HUNK: variants seen among roughly 807,000 people sequenced by gnomAD.
The protein encoded by HUNK is hormonally up-regulated neu tumor-associated kinase.
A neutral mutation model predicts 61.0 loss-of-function variants in HUNK; 21 were observed. That is an observed-to-expected ratio of 0.34 (90% confidence interval 0.24 to 0.50). The LOEUF (loss-of-function observed/expected upper bound fraction) is 0.50, where lower values mean the gene tolerates loss of function less well. Among genes scored for constraint, HUNK ranks in the 20% least tolerant of loss-of-function variants. The pLI, the probability that HUNK is intolerant of heterozygous loss-of-function variation, is 0.98. For synonymous variants in HUNK, 371 were observed against 386.1 expected (o/e 0.96, Z 0.46); for missense variants, 772 against 945.7 (o/e 0.82, Z 2.41).
intron 1 of HUNK, among the ~76,000 whole-genome samples, chr21:31,886,543 A>G (rs2052347418): frequency 6.6e-6 from 1 of 152,076 alleles, no homozygotes; most frequent in Non-Finnish European, 1.5e-5. Context: ...GATCCCATGG[A>G]ATATATTTAG....
chr21:31,955,821 G>C (rs2052885848), intron 4 of HUNK, among the ~76,000 whole-genome samples: 1 of 152,208 alleles, frequency 6.6e-6, no homozygotes. Flanking sequence ...ACTTACTGCG[G>C]AAAAAAATGA....
At chr21:31,986,940 T>G (rs576330038) in intron 8 of HUNK, among the ~76,000 whole-genome samples, 1 of 152,320 alleles carries the variant, frequency 6.6e-6, no homozygotes, top group East Asian at 1.9e-4. Context: ...TGGGGTTGTT[T>G]GATTAACATC....
At chr21:31,963,670 T>TG (rs2052943884) in intron 5 of HUNK, among the ~76,000 whole-genome samples, 1 of 151,198 alleles carries the variant, frequency 6.6e-6, no homozygotes, top group Admixed American at 6.6e-5. Context: ...CTAATTTTTT[T>TG]TGGTGGGGGG....
intron 10 of HUNK, among the ~76,000 whole-genome samples, chr21:31,996,561 C>CA (rs1344891369): frequency 1.3e-5 from 2 of 152,100 alleles, no homozygotes; most frequent in African/African-American, 4.8e-5. Context: ...CTAAAAGATG[C>CA]AAAAGGCAGA....
intron 4 of HUNK, among the ~76,000 whole-genome samples, chr21:31,948,975 T>C (rs2052829584): frequency 6.6e-6 from 1 of 152,232 alleles, no homozygotes; most frequent in African/African-American, 2.4e-5. Context: ...AGGAATCAGC[T>C]GCTGCTCCTG....
intron 1 of HUNK, among the ~76,000 whole-genome samples, chr21:31,905,790 G>A (rs749685789): frequency 4.6e-5 from 7 of 152,264 alleles, no homozygotes; most frequent in Non-Finnish European, 8.8e-5. Flanking sequence ...CATGAACACA[G>A]GCATGGGGGC....
chr21:31,946,006 G>T, intron 3 of HUNK, 30 bp from the exon 4 acceptor site: 2 of 1,545,484 alleles, frequency 1.3e-6, no homozygotes, highest in African/African-American at 1.4e-5. Context: ...TTTCTAATTC[G>T]GAGCTTGTTT....
At chr21:31,922,053 G>A (rs528446137) in intron 1 of HUNK, among the ~76,000 whole-genome samples, 1 of 152,036 alleles carries the variant, frequency 6.6e-6, no homozygotes, top group Non-Finnish European at 1.5e-5. Flanking sequence ...TTTTGTTCTT[G>A]TTGCCCAGGC....
Position 31,991,624 on chromosome 21 carries a change from TCTGGGCC to T in HUNK, c.1305+1456_1305+1462del, listed in dbSNP as rs2053172725. The stretch of plus-strand genomic sequence containing the variant: ...AACCAAAACCAACCAGCCAACGACA[TCTGGGCC>T]CTGGGCCATCCCAGGTGGCAGCAGT... On this transcript the variant is annotated intron_variant, in intron 9 of 10. Coordinates refer to ENST00000270112, the MANE Select transcript of HUNK (RefSeq NM_014586.2). Among the ~76,000 whole-genome samples, 5 of 152,214 alleles carry T rather than the reference TCTGGGCC, an allele frequency of 3.3e-5. No individual in the cohort carries two copies. The South Asian group carries it at 1.0e-3, about 31-fold the overall frequency.
At position 32,003,857 on chromosome 21, in the gene HUNK, G is replaced by A. The variant is rs2053261379; in HGVS notation, c.*4673G>A. 1 of 152,234 alleles carries A rather than the reference G, an allele frequency of 6.6e-6. No individual in the cohort carries two copies. Among genetic ancestry groups the A allele is most frequent in the Non-Finnish European group, 1.5e-5 (1 of 68,076 alleles). 9.4% of individuals were successfully genotyped at this position (152,234 alleles called of 1,614,324 possible). A position where few individuals can be genotyped will look rare whatever the true frequency, so the allele number is the denominator to read the frequency against. ...GGAAGAGAAGGTGAGGAGCATTTCA[G>A]GATTTGCAGTCCCCCTCCACATGTA... On this transcript the variant is annotated 3_prime_UTR_variant, in exon 11 of 11. Transcript: ENST00000270112.
At chr21:31,893,411 C>A (rs148409026) in intron 1 of HUNK, among the ~76,000 whole-genome samples, 2 of 152,272 alleles carry the variant, frequency 1.3e-5, no homozygotes, top group African/African-American at 4.8e-5. Flanking sequence ...GGAGCTGCTT[C>A]TTTGTTTGCA....
intron 9 of HUNK, among the ~76,000 whole-genome samples, chr21:31,990,921 T>C (rs2053168263): frequency 6.6e-6 from 1 of 152,216 alleles, no homozygotes; most frequent in Non-Finnish European, 1.5e-5. Flanking sequence ...CCTAGGCAAG[T>C]TGACATATGA....
intron 1 of HUNK, among the ~76,000 whole-genome samples, chr21:31,904,840 C>T (rs1601369125): frequency 6.6e-6 from 1 of 152,094 alleles, no homozygotes; most frequent in Admixed American, 6.5e-5. Flanking sequence ...GCCTGTAATC[C>T]TAGCACTTTG....
chr21:31,897,857 T>A (rs1485701210), intron 1 of HUNK, among the ~76,000 whole-genome samples: 1 of 152,154 alleles, frequency 6.6e-6, no homozygotes, highest in Non-Finnish European at 1.5e-5. Context: ...CTGGACCTTC[T>A]AGGTAGCTTC....
chr21:31,958,190 C>T (rs1053403817), intron 4 of HUNK, among the ~76,000 whole-genome samples: 3 of 151,994 alleles, frequency 2.0e-5, no homozygotes, highest in African/African-American at 7.3e-5. Context: ...GGCCATGGTT[C>T]CCCTCCTCAG....
chr21:31,883,525 G>A (rs552749566), intron 1 of HUNK, among the ~76,000 whole-genome samples: 71 of 152,056 alleles, frequency 4.7e-4, no homozygotes, highest in African/African-American at 1.4e-3. Flanking sequence ...GAAATTAGTC[G>A]TCTTTGAGTG....
intron 1 of HUNK, among the ~76,000 whole-genome samples, chr21:31,918,237 G>T (rs1055918568): frequency 6.6e-6 from 1 of 152,110 alleles, no homozygotes; most frequent in Non-Finnish European, 1.5e-5. Flanking sequence ...TGTAAGTCAG[G>T]GGGTGGATGA....
chr21:31,911,459 CCT>C (rs1324582429), intron 1 of HUNK, among the ~76,000 whole-genome samples: 3 of 152,164 alleles, frequency 2.0e-5, no homozygotes, highest in Non-Finnish European at 4.4e-5. Flanking sequence ...AGGGAACACC[CCT>C]GTTTCTGCTG....
chr21:31,956,526 A>G (rs2052890367), intron 4 of HUNK, among the ~76,000 whole-genome samples: 1 of 152,188 alleles, frequency 6.6e-6, no homozygotes, highest in Admixed American at 6.5e-5. Flanking sequence ...AAAGTGCAGC[A>G]TCGCATAGTA....
Sources: gnomAD v4.1 joint callset for allele counts (sites outside exome capture counted in the v4.1 genomes callset) on GRCh38, gnomAD v4.1.1 for gene constraint, MANE v1.5 for transcripts, NCBI Gene and HGNC (gene_info 2026-07-23, HGNC 2026-07-21) for gene names.